EPM2A: variants seen among roughly 807,000 people sequenced by gnomAD.
EPM2A encodes laforin.
Under a neutral mutation model 26.5 loss-of-function variants are expected in EPM2A, and 21 were observed. The observed-to-expected ratio is 0.79, with a 90% CI of 0.56 to 1.14. The LOEUF is 1.14. Ranked by LOEUF, EPM2A falls within the 50% of genes most tolerant of loss-of-function variation. The pLI is 0.00. For synonymous variants in EPM2A, 217 were observed against 177.6 expected (o/e 1.22, Z -1.76); for missense variants, 458 against 440.8 (o/e 1.04, Z -0.35).
In EPM2A at chr6:145,613,706, G is replaced by A. The variant is rs187992363; in HGVS notation, c.340+21539C>T. Among the ~76,000 whole-genome samples the A allele has an allele frequency of 4.0e-4, 61 of 152,216 alleles. 1 individual carries two copies. The East Asian group carries it at 8.5e-3, about 21-fold the overall frequency. On this transcript the variant is annotated intron_variant, in intron 2 of 3. Transcript: ENST00000450221. ...GCAGGTATCTTGTCAATAAGCATTTGTATTTGGAAAGAGATTTTTTTTCTG... is the reference window on the plus strand; with the variant it reads ...GCAGGTATCTTGTCAATAAGCATTTATATTTGGAAAGAGATTTTTTTTCTG...
chr6:145,593,269 G>A (rs1781299400), intron 2 of EPM2A, among the ~76,000 whole-genome samples: 1 of 152,114 alleles, frequency 6.6e-6, no homozygotes, highest in African/African-American at 2.4e-5. Context: ...TAATTTGTAT[G>A]TACATAACAA....
At chr6:145,674,814 G>A (rs1018163738) in intron 2 of EPM2A, among the ~76,000 whole-genome samples, 1 of 151,988 alleles carries the variant, frequency 6.6e-6, no homozygotes, top group African/African-American at 2.4e-5. Context: ...TTTGATTGGT[G>A]TACCTGAAAG....
At chr6:145,475,811 A>C (rs886433167) in intron 4 of EPM2A, among the ~76,000 whole-genome samples, 4 of 152,086 alleles carry the variant, frequency 2.6e-5, no homozygotes, top group African/African-American at 2.4e-5. Context: ...CACACACACA[A>C]AAAGGAAGAA....
chr6:145,583,362 T>G (rs1297282463), intron 2 of EPM2A, among the ~76,000 whole-genome samples: 1 of 152,156 alleles, frequency 6.6e-6, no homozygotes, highest in Non-Finnish European at 1.5e-5. Context: ...CCCTTGGGGT[T>G]TTGATTGTGG....
intron 2 of EPM2A, among the ~76,000 whole-genome samples, chr6:145,667,868 C>G (rs986402745): frequency 6.6e-6 from 1 of 150,390 alleles, no homozygotes; most frequent in African/African-American, 2.5e-5. Context: ...TTTGTAGGGA[C>G]GTGGATGAAA....
Position 145,735,366 on chromosome 6 carries a change from T to G in EPM2A, c.133A>C (p.Thr45Pro), listed in dbSNP as rs2128649753. ...RGAVRLRPAG[T>P]AAGDGALALQ... ...GCCAGGGCCCCGTCGCCCGCCGCGG[T>G]GCCGGCCGGCCTCAGGCGGACGGCA... Residue 45 changes from threonine (T) to proline (P), a missense_variant, in exon 1 of 4, where the codon ACC becomes CCC. Physicochemically the swap from Thr to Pro is conservative, Grantham distance 38. Transcript: ENST00000367519. 1.1e-6 allele frequency: 1 copy of G among 894,332 alleles called. No homozygotes were observed. Among genetic ancestry groups the G allele is most frequent in the Non-Finnish European group, 1.4e-6 (1 of 717,718 alleles). The allele number at this position is 894,332 out of a possible 1,614,324, so 55.4% of individuals were successfully genotyped here.
intron 4 of EPM2A, among the ~76,000 whole-genome samples, chr6:145,464,861 CTTCCCTTTGAGGGT>C (rs1301099875): frequency 1.3e-5 from 2 of 152,270 alleles, no homozygotes; most frequent in East Asian, 3.9e-4. Flanking sequence ...GTCTGATGGG[CTTCCCTTTGAGGGT>C]AACCCAACCT....
At chr6:145,661,995 A>G (rs1266842455) in intron 2 of EPM2A, among the ~76,000 whole-genome samples, 1 of 152,244 alleles carries the variant, frequency 6.6e-6, no homozygotes, top group African/African-American at 2.4e-5. Context: ...AACGTCTGGT[A>G]ACATCAGAAA....
chr6:145,682,144 G>A (rs1394537485), intron 2 of EPM2A, among the ~76,000 whole-genome samples: 4 of 152,122 alleles, frequency 2.6e-5, no homozygotes, highest in Non-Finnish European at 2.9e-5. Flanking sequence ...TCACAATCAC[G>A]GTTGAAGGCA....
chr6:145,569,838 G>A (rs1208878312), intron 2 of EPM2A, among the ~76,000 whole-genome samples: 3 of 145,020 alleles, frequency 2.1e-5, no homozygotes, highest in African/African-American at 7.8e-5. Context: ...TAGAGGGAAA[G>A]AACTAATGGA....
chr6:145,488,520 T>TGAGAGAGAGA (rs1215856544), intron 4 of EPM2A, among the ~76,000 whole-genome samples: 402 of 136,538 alleles, frequency 2.9e-3, no homozygotes, highest in African/African-American at 0.01. Flanking sequence ...TGTGTGTGTG[T>TGAGAGAGAGA]GTGAGAGAGA....
chr6:145,443,126 C>G (rs1349060307), intron 4 of EPM2A, among the ~76,000 whole-genome samples: 1 of 152,172 alleles, frequency 6.6e-6, no homozygotes, highest in African/African-American at 2.4e-5. Context: ...CTGCCTCGGC[C>G]TCCCAAAGTG....
intron 4 of EPM2A, among the ~76,000 whole-genome samples, chr6:145,468,250 TA>T (rs200917166): frequency 0.011 from 1,681 of 152,240 alleles, 7 homozygotes; most frequent in Non-Finnish European, 0.017. Flanking sequence ...CATATTTCTA[TA>T]GCTGAAAAAT....
intron 4 of EPM2A, among the ~76,000 whole-genome samples, chr6:145,494,823 T>G (rs1047327053): frequency 2.6e-5 from 4 of 152,220 alleles, no homozygotes; most frequent in Non-Finnish European, 5.9e-5. Context: ...GGTTTCTAAT[T>G]GCATTCATTG....
At chr6:145,719,350 T>C (rs2128637394) in intron 1 of EPM2A, among the ~76,000 whole-genome samples, 1 of 150,884 alleles carries the variant, frequency 6.6e-6, no homozygotes, top group African/African-American at 2.4e-5. Flanking sequence ...GAAATCATCA[T>C]TCTCAGTAAA....
At chr6:145,511,385 C>T (rs1780053005) in intron 2 of EPM2A, among the ~76,000 whole-genome samples, 1 of 152,146 alleles carries the variant, frequency 6.6e-6, no homozygotes, top group African/African-American at 2.4e-5. Context: ...AATTGAGCAG[C>T]ACATCAAAAA....
chr6:145,672,809 C>A (rs768233905), intron 2 of EPM2A, among the ~76,000 whole-genome samples: 22 of 152,170 alleles, frequency 1.4e-4, no homozygotes, highest in Non-Finnish European at 2.5e-4. Context: ...AGACCTTCAC[C>A]CTCCAGGCAG....
At position 145,600,664 on chromosome 6, in the gene EPM2A, T is replaced by C. The variant is rs114155471; in HGVS notation, c.340+34581A>G. 2.6e-3 allele frequency among the ~76,000 whole-genome samples: 390 copies of C among 152,300 alleles called. 6 individuals are homozygous for C. Among genetic ancestry groups the C allele is most frequent in the African/African-American group, 9.0e-3 (372 of 41,564 alleles). On this transcript the variant is annotated intron_variant, in intron 2 of 3. Transcript: ENST00000450221. ...CACCAGTTGCCTTGATATTAAGCTT[T>C]AACAGTAAAAGGTGCTGGAGAGACA... is the stretch of plus-strand genomic sequence containing the variant.
chr6:145,601,177 G>C (rs1383826750), intron 2 of EPM2A, among the ~76,000 whole-genome samples: 2 of 152,088 alleles, frequency 1.3e-5, no homozygotes, highest in African/African-American at 4.8e-5. Context: ...ATGGCTATGT[G>C]GGATTTCTGT....
Sources: gnomAD v4.1 joint callset for allele counts (sites outside exome capture counted in the v4.1 genomes callset) on GRCh38, gnomAD v4.1.1 for gene constraint, MANE v1.5 for transcripts, NCBI Gene and HGNC (gene_info 2026-07-23, HGNC 2026-07-21) for gene names.